Variants in NLRP14 observed in about 807,000 individuals in gnomAD.
NLRP14 encodes NACHT, LRR and PYD domains-containing protein 14.
In NLRP14, 105 loss-of-function variants were observed where a neutral mutation model predicts 94.7. That is an observed-to-expected ratio of 1.11 (90% confidence interval 0.95 to 1.30). The LOEUF (loss-of-function observed/expected upper bound fraction) is 1.30, where lower values mean the gene tolerates loss of function less well. NLRP14 is among the 50% of genes most tolerant of loss of function. The probability of loss-of-function intolerance (pLI) is 0.00; values close to 1 mark genes in which losing one functional copy is unlikely to be tolerated. For synonymous variants in NLRP14, 508 were observed against 459.9 expected, an observed-to-expected ratio of 1.10 and a Z score of -1.34; for missense variants, 1,362 against 1,254.1, an observed-to-expected ratio of 1.09 and a Z score of -1.30.
chr11:7,042,560 C>G lies in NLRP14; in HGVS notation c.534C>G (p.Ile178Met). The G allele has an allele frequency of 6.2e-7, 1 of 1,614,184 alleles. No individual in the cohort carries two copies. Among genetic ancestry groups the G allele is most frequent in the Middle Eastern group, 1.6e-4 (1 of 6,062 alleles). Residue 178 changes from isoleucine to methionine, a missense_variant, in exon 4 of 12, where the codon ATC becomes ATG. Coordinates refer to ENST00000299481, the MANE Select transcript of NLRP14 (RefSeq NM_176822.4). ...VDVKTGAQPQIVVLQGAAGVG... is the reference protein window; with the variant it reads ...VDVKTGAQPQMVVLQGAAGVG... ...TCAAAACCGGTGCACAGCCACAGAT[C>G]GTGGTGCTTCAGGGAGCTGCTGGAG...
chr11:7,035,519 C>T (rs113575845), intron 1 of NLRP14, among the ~76,000 whole-genome samples: 49 of 152,236 alleles, frequency 3.2e-4, no homozygotes, highest in African/African-American at 8.9e-4. Context: ...CATCATATAA[C>T]GCACGTATAG....
chr11:7,041,576 T>A (rs533089418), intron 3 of NLRP14, among the ~76,000 whole-genome samples: 5 of 152,336 alleles, frequency 3.3e-5, no homozygotes, highest in African/African-American at 1.2e-4. Context: ...CTCATTTTTT[T>A]ATTGCACAAA....
In NLRP14 at chr11:7,042,494, G is replaced by A. The variant is rs1399895987; in HGVS notation, c.468G>A (p.Glu156=). ...AAGATTTCCATCATGGAATTGCAGA[G>A]AAAGATAGAAAACTGTTGGAACACT... ...KPEDFHHGIA[E]KDRKLLEHLF... Residue 156 remains glutamate, a synonymous_variant, in exon 4 of 12, where the codon GAG becomes GAA. Coordinates refer to ENST00000299481, the MANE Select transcript of NLRP14 (RefSeq NM_176822.4). 6.2e-7 allele frequency: 1 copy of A among 1,614,148 alleles called. No homozygotes were observed. Among genetic ancestry groups the A allele is most frequent in the Admixed American group, 1.7e-5 (1 of 60,026 alleles).
chr11:7,044,032 C>T (rs118155843), intron 4 of NLRP14, 48 bp downstream of exon 4: 53 of 1,571,092 alleles, frequency 3.4e-5, no homozygotes, highest in East Asian at 1.6e-4. Flanking sequence ...AAGGGAGAGA[C>T]GTAGATATTT....
Position 7,062,383 on chromosome 11 carries a change from T to A in NLRP14, c.2855T>A (p.Val952Asp), listed in dbSNP as rs1219139797. ...GCATGTTGTCTGGATCTGGCTTCTG[T>A]TATTTTGAATAACCCAAACCTGAGG... ...TNACCLDLASVILNNPNLRSL... is the reference protein window; with the variant it reads ...TNACCLDLASDILNNPNLRSL... Residue 952 changes from valine (V) to aspartate (D), a missense_variant, in exon 10 of 12, where the codon GTT (valine) becomes GAT (aspartate). Coordinates refer to ENST00000299481, the MANE Select transcript of NLRP14 (RefSeq NM_176822.4). The A allele has an allele frequency of 1.2e-6, 2 of 1,613,184 alleles. No homozygotes were observed. The highest frequency in any genetic ancestry group is 3.3e-5 in the Admixed American group (2 of 59,942).
Position 7,042,639 on chromosome 11 carries a change from C to G in NLRP14, c.613C>G (p.Leu205Val), listed in dbSNP as rs1051561209. The part of the protein sequence containing the change: ...KAMLDWAEGS[L>V]YQQRFKYVFY... ...AATGTTAGATTGGGCAGAGGGCAGT[C>G]TCTACCAGCAGAGGTTTAAGTATGT... is the stretch of plus-strand genomic sequence containing the variant. The change falls in exon 4 of 12, where the codon CTC becomes GTC. Residue 205 changes from leucine to valine, a missense_variant. Transcript: ENST00000299481. 6.2e-7 allele frequency: 1 copy of G among 1,614,108 alleles called. No homozygotes were observed. Among genetic ancestry groups the G allele is most frequent in the Admixed American group, 1.7e-5 (1 of 60,022 alleles).
chr11:7,021,670 C>T (rs1327995716), intron 1 of NLRP14, among the ~76,000 whole-genome samples: 1 of 151,942 alleles, frequency 6.6e-6, no homozygotes, highest in African/African-American at 2.4e-5. Flanking sequence ...TTTTAGGGTA[C>T]ATGTGCACAA....
the NLRP14 span, chr11:7,089,822 G>T: frequency 6.2e-7 from 1 of 1,608,470 alleles, no homozygotes; most frequent in Admixed American, 1.7e-5. Flanking sequence ...TTGCCCCCTC[G>T]CCCGGAGAGT....
At chr11:7,090,478 T>C in the NLRP14 span, 26 of 836,972 alleles carry the variant, frequency 3.1e-5, no homozygotes, top group South Asian at 4.2e-4. Context: ...AAAATTCGTT[T>C]AGTTTAGTTT....
At chr11:7,074,664 C>G (rs145650792), downstream of NLRP14, among the ~76,000 whole-genome samples, 819 of 152,234 alleles carry the variant, frequency 5.4e-3, 4 homozygotes, top group African/African-American at 0.013. Flanking sequence ...GATAATAGAA[C>G]CTGACAACCA....
intron 1 of NLRP14, among the ~76,000 whole-genome samples, chr11:7,021,783 T>TAAA (rs1174432570): frequency 6.6e-6 from 1 of 150,856 alleles, no homozygotes; most frequent in Non-Finnish European, 1.5e-5. Context: ...CAATTGCGGC[T>TAAA]ATTTAAATAC....
At chr11:7,023,551 T>TAA (rs1851975001) in intron 1 of NLRP14, among the ~76,000 whole-genome samples, 1 of 146,862 alleles carries the variant, frequency 6.8e-6, no homozygotes, top group East Asian at 1.9e-4. Flanking sequence ...ATTAATATAT[T>TAA]TTATTTATAT....
At chr11:7,021,671 A>G (rs982848243) in intron 1 of NLRP14, among the ~76,000 whole-genome samples, 1 of 151,984 alleles carries the variant, frequency 6.6e-6, no homozygotes, top group Non-Finnish European at 1.5e-5. Context: ...TTTAGGGTAC[A>G]TGTGCACAAC....
At chr11:7,049,182 AT>A (rs1213137152) in intron 5 of NLRP14, among the ~76,000 whole-genome samples, 1 of 152,192 alleles carries the variant, frequency 6.6e-6, no homozygotes, top group East Asian at 1.9e-4. Context: ...AAATTGGCAG[AT>A]TTAACTTCAT....
At chr11:7,048,413 T>C (rs906766600) in intron 5 of NLRP14, among the ~76,000 whole-genome samples, 4 of 152,234 alleles carry the variant, frequency 2.6e-5, no homozygotes, top group African/African-American at 9.6e-5. Context: ...ATTTTGTGCC[T>C]GTCAATATGT....
rs1394553916 is a variant in NLRP14 at position 7,046,701 on chromosome 11, T to C, written c.1992T>C (p.Asp664=). Residue 664 remains aspartate, a synonymous_variant, in exon 5 of 12, where the codon GAT becomes GAC. Coordinates refer to ENST00000299481, the MANE Select transcript of NLRP14 (RefSeq NM_176822.4). ...DGDRITHCWQ[D]LCSVLHTNEH... ...ATCGCATTACTCACTGTTGGCAAGATCTCTGTTCTGTGCTTCATACAAATG... is the reference window on the plus strand; with the variant it reads ...ATCGCATTACTCACTGTTGGCAAGACCTCTGTTCTGTGCTTCATACAAATG... 1.9e-6 allele frequency: 3 copies of C among 1,613,882 alleles called. No homozygotes were observed. The highest frequency in any genetic ancestry group is 1.3e-5 in the African/African-American group (1 of 75,052).
intron 2 of NLRP14, among the ~76,000 whole-genome samples, chr11:7,039,154 C>T (rs1662760127): frequency 1.3e-5 from 2 of 151,888 alleles, no homozygotes; most frequent in African/African-American, 4.8e-5. Flanking sequence ...GGAATTGTCC[C>T]ATAAAGTGCC....
intron 10 of NLRP14, among the ~76,000 whole-genome samples, chr11:7,064,609 A>C (rs772819545): frequency 2.6e-4 from 40 of 152,212 alleles, no homozygotes; most frequent in Non-Finnish European, 4.9e-4. Flanking sequence ...CTTTACTTGC[A>C]TGGAGACCTT....
intron 6 of NLRP14, among the ~76,000 whole-genome samples, chr11:7,056,198 A>C (rs1289485624): frequency 6.6e-6 from 1 of 151,864 alleles, no homozygotes; most frequent in Non-Finnish European, 1.5e-5. Flanking sequence ...AATATTTATA[A>C]AATTTAGGAA....
Sources: allele counts gnomAD v4.1 joint callset (sites outside exome capture counted in the v4.1 genomes callset), GRCh38; gene constraint gnomAD v4.1.1; transcripts MANE v1.5; gene names NCBI Gene and HGNC (gene_info 2026-07-23, HGNC 2026-07-21).